CDC16: variants seen among roughly 807,000 people sequenced by gnomAD.
CDC16 encodes the protein cell division cycle protein 16 homolog.
In CDC16, 34 loss-of-function variants were observed where a neutral mutation model predicts 87.0. That is an observed-to-expected ratio of 0.39 (90% CI 0.30 to 0.52). CDC16 has a LOEUF of 0.52. Among genes scored for constraint, CDC16 ranks in the 20% least tolerant of loss-of-function variants. CDC16 has a pLI of 0.74. For missense variants in CDC16, 653 were observed against 751.9 expected, an observed-to-expected ratio of 0.87 and a Z score of 1.54; for synonymous variants, 263 against 260.6, an observed-to-expected ratio of 1.01 and a Z score of -0.09.
intron 8 of CDC16, 40 bp downstream of exon 8, chr13:114,244,029 T>G: frequency 9.0e-6 from 13 of 1,438,514 alleles, no homozygotes; most frequent in Non-Finnish European, 1.3e-5. Context: ...AACATGGAGT[T>G]CACTCCATCT....
At position 114,250,491 on chromosome 13, in the gene CDC16, C is replaced by CAA. The variant is rs59513608; in HGVS notation, c.972-43_972-42dup. The CAA allele has an allele frequency of 7.7e-3, 9,482 of 1,239,130 alleles. 33 individuals carry two copies. Among genetic ancestry groups the CAA allele is most frequent in the African/African-American group, 0.048 (2,382 of 49,328 alleles). 76.8% of individuals were successfully genotyped at this position (1,239,130 alleles called of 1,614,324 possible). On this transcript the variant is annotated intron_variant, in intron 11 of 17. Coordinates refer to ENST00000356221, the MANE Select transcript of CDC16 (RefSeq NM_001078645.3). ...TGAGCGACAAAGTGAGACTTTGTCT[C>CAA]AAAAAAAAAAAAAAAAGAATAAATA... is the stretch of plus-strand genomic sequence containing the variant.
At chr13:114,239,771 T>A (rs548983181) in intron 5 of CDC16, among the ~76,000 whole-genome samples, 6 of 152,330 alleles carry the variant, frequency 3.9e-5, no homozygotes, top group African/African-American at 1.4e-4. Flanking sequence ...GTGGAATAAT[T>A]TTTCTTCTCC....
intron 3 of CDC16, among the ~76,000 whole-genome samples, chr13:114,238,410 A>G (rs555566018): frequency 5.5e-5 from 8 of 146,304 alleles, no homozygotes; most frequent in African/African-American, 2.1e-4. Flanking sequence ...AGCTCCTCGG[A>G]CGCCCAGCAG....
At chr13:114,240,401 G>A (rs546829461) in intron 5 of CDC16, among the ~76,000 whole-genome samples, 12 of 152,108 alleles carry the variant, frequency 7.9e-5, no homozygotes, top group Non-Finnish European at 1.8e-4. Context: ...AGTAGAGACG[G>A]GGTTTCACCA....
At chr13:114,262,812 G>T (rs1480255470) in intron 15 of CDC16, 67 bp from the exon 16 acceptor site, 1 of 1,534,666 alleles carries the variant, frequency 6.5e-7, no homozygotes, top group African/African-American at 1.4e-5. Flanking sequence ...GATATGGATG[G>T]TTGCTCATCT....
chr13:114,267,359 G>C (rs1054658360), intron 17 of CDC16, among the ~76,000 whole-genome samples: 4 of 151,910 alleles, frequency 2.6e-5, no homozygotes, highest in Non-Finnish European at 5.9e-5. Context: ...AAACTGGCCA[G>C]GCATAGTGGC....
At position 114,239,372 on chromosome 13, in the gene CDC16, A is replaced by G; in HGVS notation, c.263A>G (p.Gln88Arg). ...RCHYAAKEHQ[Q>R]ALDVLDMEEP... ...TAGTATGCTGCAAAAGAGCACCAGC[A>G]GGCCCTTGATGTTCTTGACATGGAA... is the stretch of plus-strand genomic sequence containing the variant. Residue 88 changes from glutamine (Q) to arginine (R), a missense_variant, in exon 5 of 18, where the codon CAG (glutamine) becomes CGG (arginine). Transcript: ENST00000356221. The G allele has an allele frequency of 6.2e-7, 1 of 1,609,190 alleles. No individual in the cohort carries two copies.
At chr13:114,249,375 G>T (rs1407276878) in intron 11 of CDC16, among the ~76,000 whole-genome samples, 2 of 151,568 alleles carry the variant, frequency 1.3e-5, no homozygotes, top group African/African-American at 4.8e-5. Context: ...GACATATGAA[G>T]CTTTACTCAC....
At position 114,243,344 on chromosome 13, in the gene CDC16, A is replaced by T. The variant is rs1473168658; in HGVS notation, c.629A>T (p.Lys210Ile). The T allele has an allele frequency of 6.6e-7, 1 of 1,508,372 alleles. No individual in the cohort carries two copies. Among genetic ancestry groups the T allele is most frequent in the Non-Finnish European group, 9.2e-7 (1 of 1,084,304 alleles). The allele number at this position is 1,508,372 out of a possible 1,614,324, so 93.4% of individuals were successfully genotyped here. A position where few individuals can be genotyped will look rare whatever the true frequency, so the allele number is the denominator to read the frequency against. The change falls in exon 7 of 18, where the codon AAA becomes ATA. Residue 210 changes from lysine to isoleucine, a missense_variant. Physicochemically the swap from Lys to Ile is moderately radical, Grantham distance 102. Transcript: ENST00000356221. Reference sequence around the variant, plus strand: ...CGTTTTCTATTTGAGAACAAATTGAAAAAAGTAAGTAAAACCAAAGAGTTA... The same window carrying T: ...CGTTTTCTATTTGAGAACAAATTGATAAAAGTAAGTAAAACCAAAGAGTTA... The part of the protein sequence containing the change: ...LLRFLFENKL[K>I]KYNKPSETVI...
intron 14 of CDC16, among the ~76,000 whole-genome samples, chr13:114,260,714 A>C (rs17291445): frequency 0.017 from 2,529 of 152,346 alleles, 72 homozygotes; most frequent in African/African-American, 0.058. Context: ...AAGAGGGGGA[A>C]AATATTGACT....
chr13:114,239,092 A>C, intron 4 of CDC16, 64 bp downstream of exon 4: 1 of 905,012 alleles, frequency 1.1e-6, no homozygotes, highest in Non-Finnish European at 1.5e-6. Flanking sequence ...CATCTCTTAA[A>C]TATGTGTGAG....
chr13:114,264,000 CTAATGG>C (rs1251032690), intron 16 of CDC16, among the ~76,000 whole-genome samples: 1 of 152,104 alleles, frequency 6.6e-6, no homozygotes, highest in East Asian at 1.9e-4. Context: ...AATCAGTGAA[CTAATGG>C]TATTTGGAGA....
intron 10 of CDC16, among the ~76,000 whole-genome samples, chr13:114,246,380 A>G (rs565437284): frequency 1.3e-5 from 2 of 152,352 alleles, no homozygotes; most frequent in South Asian, 2.1e-4. Context: ...AGAAATGTGG[A>G]TAATTGTTTG....
intron 12 of CDC16, among the ~76,000 whole-genome samples, chr13:114,256,398 A>G (rs1308756169): frequency 2.0e-5 from 3 of 152,242 alleles, no homozygotes; most frequent in African/African-American, 7.2e-5. Context: ...GATTAGAACC[A>G]AAGCACACAC....
chr13:114,267,063 G>A (rs537286624), intron 17 of CDC16, among the ~76,000 whole-genome samples: 19 of 152,114 alleles, frequency 1.2e-4, no homozygotes, highest in Admixed American at 1.1e-3. Flanking sequence ...TATAGACAAA[G>A]GAATACATGA....
At chr13:114,241,993 A>G (rs1369058682) in intron 5 of CDC16, 128 bp from the exon 6 acceptor site, 2 of 1,031,084 alleles carry the variant, frequency 1.9e-6, no homozygotes, top group African/African-American at 1.6e-5. Flanking sequence ...TCAAGGCTGC[A>G]GTGAGCTATG....
At chr13:114,239,102 G>T in intron 4 of CDC16, 74 bp downstream of exon 4, 1 of 1,478,932 alleles carries the variant, frequency 6.8e-7, no homozygotes, top group South Asian at 1.2e-5. Context: ...ATATGTGTGA[G>T]AATTTTAGTG....
chr13:114,240,229 G>C (rs906551299), intron 5 of CDC16, among the ~76,000 whole-genome samples: 1 of 151,370 alleles, frequency 6.6e-6, no homozygotes, highest in Admixed American at 6.6e-5. Flanking sequence ...TTTAAATTAA[G>C]ACAGGGTCTT....
At chr13:114,243,536 A>T (rs775260878) in intron 7 of CDC16, among the ~76,000 whole-genome samples, 188 bp downstream of exon 7, 13 of 151,200 alleles carry the variant, frequency 8.6e-5, no homozygotes, top group Non-Finnish European at 1.6e-4. Flanking sequence ...TTTTCCTCTG[A>T]AAGACTCCTT....
Sources: gnomAD v4.1 joint callset for allele counts (sites outside exome capture counted in the v4.1 genomes callset) on GRCh38, gnomAD v4.1.1 for gene constraint, MANE v1.5 for transcripts, NCBI Gene and HGNC (gene_info 2026-07-23, HGNC 2026-07-21) for gene names.